LARGE1: variants seen among roughly 807,000 people sequenced by gnomAD.
LARGE1 encodes LARGE xylosyl- and glucuronyltransferase 1.
Under a neutral mutation model 87.6 loss-of-function variants are expected in LARGE1, and 43 were observed. That is an observed-to-expected ratio of 0.49 (90% CI 0.38 to 0.63). The LOEUF is 0.63. LARGE1 is among the 30% of genes least tolerant of loss of function. The pLI, the probability that LARGE1 is intolerant of heterozygous loss-of-function variation, is 0.00. For missense variants in LARGE1, 802 were observed against 1,000.2 expected (o/e 0.80, Z 2.67); for synonymous variants, 434 against 394.6 (o/e 1.10, Z -1.18).
At chr22:33,384,930 G>A (rs1438217804) in intron 7 of LARGE1, among the ~76,000 whole-genome samples, 3 of 148,608 alleles carry the variant, frequency 2.0e-5, no homozygotes, top group Admixed American at 6.7e-5. Context: ...CCATTTATCC[G>A]TACACACAAA....
intron 1 of LARGE1, among the ~76,000 whole-genome samples, chr22:33,816,048 A>C (rs763418330): frequency 6.6e-6 from 1 of 152,192 alleles, no homozygotes; most frequent in Non-Finnish European, 1.5e-5. Flanking sequence ...ATAAGCAAAC[A>C]AAGACATGGC....
the LARGE1 span, among the ~76,000 whole-genome samples, chr22:33,113,934 G>T: frequency 6.6e-6 from 1 of 150,428 alleles, no homozygotes; most frequent in South Asian, 2.1e-4. Flanking sequence ...GCAGTGTTGC[G>T]ATCTTGGCTC....
At chr22:33,069,998 A>G in the LARGE1 span, among the ~76,000 whole-genome samples, 1 of 151,950 alleles carries the variant, frequency 6.6e-6, no homozygotes, top group Admixed American at 6.6e-5. Context: ...CTAATTTTGT[A>G]TTTTTAGTAG....
At chr22:33,087,210 A>T in the LARGE1 span, among the ~76,000 whole-genome samples, 2 of 151,914 alleles carry the variant, frequency 1.3e-5, no homozygotes, top group African/African-American at 4.8e-5. Context: ...TAATTTCTGC[A>T]TCTCCATTAT....
chr22:33,627,745 C>G (rs2079967548), intron 3 of LARGE1, among the ~76,000 whole-genome samples: 4 of 152,194 alleles, frequency 2.6e-5, no homozygotes, highest in Admixed American at 2.6e-4. Flanking sequence ...AATCCACATC[C>G]ATGACCCATT....
At chr22:33,421,210 AAATCAATC>A (rs146615068) in intron 7 of LARGE1, among the ~76,000 whole-genome samples, 100 of 141,670 alleles carry the variant, frequency 7.1e-4, no homozygotes, top group South Asian at 1.4e-3. Flanking sequence ...AAATAAAATA[AAATCAATC>A]AATCAATCAA....
chr22:33,607,282 C>T lies in LARGE1; in HGVS notation c.492-2724G>A, dbSNP rs148116023. ...TTTGAGTCCAGCCTGACCAACATGG[C>T]GAAACCCTGTCTCTACTAAAAATAC... is the stretch of plus-strand genomic sequence containing the variant. On this transcript the variant is annotated intron_variant, in intron 4 of 14. Transcript: ENST00000397394. Among the ~76,000 whole-genome samples, 1,473 of 151,874 alleles carry T rather than the reference C, an allele frequency of 9.7e-3. 22 individuals carry two copies. Among genetic ancestry groups the T allele is most frequent in the African/African-American group, 0.034 (1,392 of 41,414 alleles).
chr22:33,852,719 GGCGGCGTACA>G (rs1440270355), intron 1 of LARGE1, among the ~76,000 whole-genome samples: 3 of 151,792 alleles, frequency 2.0e-5, no homozygotes, highest in Admixed American at 6.6e-5. Flanking sequence ...AGCCGGGCGT[GGCGGCGTACA>G]CCTGTAGTCC....
At chr22:33,409,207 T>C (rs2066217136) in intron 7 of LARGE1, among the ~76,000 whole-genome samples, 1 of 152,070 alleles carries the variant, frequency 6.6e-6, no homozygotes, top group African/African-American at 2.4e-5. Flanking sequence ...ATAAAGGAGA[T>C]GCGGCAGGCA....
chr22:33,913,783 C>T lies in LARGE1; in HGVS notation c.-83+6212G>A, dbSNP rs550832005. Among the ~76,000 whole-genome samples, 43 of 152,022 alleles carry T rather than the reference C, an allele frequency of 2.8e-4. 2 individuals carry two copies. The South Asian group carries it at 8.7e-3, about 31-fold the overall frequency. On this transcript the variant is annotated intron_variant, in intron 1 of 14. Transcript: ENST00000397394. ...CAGGATGGTCTCAATCTCTTGACTT[C>T]GTGATCCACCTGCCTCGGCTTCCCA...
chr22:33,546,254 T>C (rs2077357417), intron 6 of LARGE1, among the ~76,000 whole-genome samples: 1 of 152,208 alleles, frequency 6.6e-6, no homozygotes, highest in African/African-American at 2.4e-5. Flanking sequence ...CCTGATTCCT[T>C]AGGGAATGCA....
At chr22:33,575,923 C>T (rs1161883612) in intron 5 of LARGE1, among the ~76,000 whole-genome samples, 5 of 152,214 alleles carry the variant, frequency 3.3e-5, no homozygotes, top group Admixed American at 2.6e-4. Context: ...GGAGCATTTA[C>T]AGACTGCCTG....
chr22:33,379,925 T>C (rs1316911908), intron 9 of LARGE1, among the ~76,000 whole-genome samples: 1 of 152,172 alleles, frequency 6.6e-6, no homozygotes, highest in African/African-American at 2.4e-5. Flanking sequence ...GGAGCTCTGT[T>C]CCAGGAACCA....
chr22:33,761,876 A>T (rs189245122), intron 1 of LARGE1, among the ~76,000 whole-genome samples: 25 of 152,264 alleles, frequency 1.6e-4, no homozygotes, highest in African/African-American at 5.8e-4. Flanking sequence ...GCATTTAGTT[A>T]GCACCTGTTA....
chr22:33,621,696 T>C (rs1451814066), intron 4 of LARGE1, among the ~76,000 whole-genome samples: 1 of 151,690 alleles, frequency 6.6e-6, no homozygotes, highest in Non-Finnish European at 1.5e-5. Context: ...GAGCCGAAAG[T>C]CTTTCAAAAG....
intron 1 of LARGE1, among the ~76,000 whole-genome samples, chr22:33,879,508 G>A (rs1759202781): frequency 6.6e-6 from 1 of 152,178 alleles, no homozygotes; most frequent in African/African-American, 2.4e-5. Context: ...TCTATATCTA[G>A]TCTTCCCACT....
At chr22:33,541,117 C>T (rs1301550349) in intron 6 of LARGE1, among the ~76,000 whole-genome samples, 1 of 114,048 alleles carries the variant, frequency 8.8e-6, no homozygotes. Flanking sequence ...GAGATTGAGG[C>T]TGTAGTGAGC....
chr22:33,439,611 T>C (rs2067396777), intron 6 of LARGE1, among the ~76,000 whole-genome samples: 1 of 152,128 alleles, frequency 6.6e-6, no homozygotes, highest in Non-Finnish European at 1.5e-5. Context: ...GATGATGGGA[T>C]CTACTCCGGT....
At chr22:33,635,570 A>G (rs1011129608) in intron 3 of LARGE1, among the ~76,000 whole-genome samples, 1 of 152,132 alleles carries the variant, frequency 6.6e-6, no homozygotes, top group Non-Finnish European at 1.5e-5. Context: ...ATTTCTATAC[A>G]GCATTTTCCT....
Sources: gnomAD v4.1 joint callset for allele counts (sites outside exome capture counted in the v4.1 genomes callset) on GRCh38, gnomAD v4.1.1 for gene constraint, MANE v1.5 for transcripts, NCBI Gene and HGNC (gene_info 2026-07-23, HGNC 2026-07-21) for gene names.